The following GPRIN2 variants were observed in gnomAD, a reference collection of about 807,000 sequenced individuals.
GPRIN2 encodes G protein regulated inducer of neurite outgrowth 2.
Under a neutral mutation model 0.3 loss-of-function variants are expected in GPRIN2, and 1 was observed. That is an observed-to-expected ratio of 3.90 (90% CI 1.39 to 18.51). The LOEUF (loss-of-function observed/expected upper bound fraction) is 18.51. Among genes scored for constraint, GPRIN2 ranks in the 30% most tolerant of loss-of-function variants. The pLI, the probability that GPRIN2 is intolerant of heterozygous loss-of-function variation, is 0.11. For missense variants in GPRIN2, 880 were observed against 604.2 expected (o/e 1.46, Z -4.79); for synonymous variants, 361 against 258.6 (o/e 1.40, Z -3.80).
Position 46,548,879 on chromosome 10 carries a change from G to C in GPRIN2, c.*481C>G, listed in dbSNP as rs1842403100. ...TGAAGACAGGACAAGCACAGTATGT[G>C]GCACACAGGAGGCCTCTGATAACAT... On this transcript the variant is annotated 3_prime_UTR_variant, in exon 3 of 3. Transcript: ENST00000374314. Among the ~76,000 whole-genome samples, 10 of 152,308 alleles carry C rather than the reference G, an allele frequency of 6.6e-5. No homozygotes were observed.
rs1344459108 is a variant in GPRIN2 at position 46,546,074 on chromosome 10, T to C, written c.*3286A>G. 6.6e-6 allele frequency among the ~76,000 whole-genome samples: 1 copy of C among 152,306 alleles called. No individual in the cohort carries two copies. The highest frequency in any genetic ancestry group is 1.5e-5 in the Non-Finnish European group (1 of 68,056). On this transcript the variant is annotated 3_prime_UTR_variant, in exon 3 of 3. Transcript: ENST00000374314. ...TAAGGGGACAGAGACCCAATCCAGGTGACACAGGAGGTAAGATCACAGTGG... is the reference window on the plus strand; with the variant it reads ...TAAGGGGACAGAGACCCAATCCAGGCGACACAGGAGGTAAGATCACAGTGG...
rs1841873416 is a variant in GPRIN2, at chr10:46,543,004, A to T, written c.*6356T>A. ...TGGGGTGCCCTTCCAGCCCGACCAAAGTCCTTCCATTCACCCAGCAGGGCC... is the reference window on the plus strand; with the variant it reads ...TGGGGTGCCCTTCCAGCCCGACCAATGTCCTTCCATTCACCCAGCAGGGCC... On this transcript the variant is annotated 3_prime_UTR_variant, in exon 3 of 3. Transcript: ENST00000374314. Among the ~76,000 whole-genome samples, 1 of 152,308 alleles carries T rather than the reference A, an allele frequency of 6.6e-6. No individual in the cohort carries two copies. Among genetic ancestry groups the T allele is most frequent in the Non-Finnish European group, 1.5e-5 (1 of 68,058 alleles).
rs112633266 is a variant in GPRIN2 at position 46,548,277 on chromosome 10, C to T, written c.*1083G>A. Among the ~76,000 whole-genome samples the T allele has an allele frequency of 9.6e-3, 1,459 of 151,520 alleles. No individual in the cohort carries two copies. The highest frequency in any genetic ancestry group is 0.034 in the African/African-American group (1,371 of 40,764). On this transcript the variant is annotated 3_prime_UTR_variant, in exon 3 of 3. Transcript: ENST00000374314. The stretch of plus-strand genomic sequence containing the variant: ...GTTTCTGTCTCTCCAAGGCCCCTGG[C>T]CCCCACTGCCTAGCCTAGGTCAGGT...
In GPRIN2 at chr10:46,550,205, G is replaced by T; in HGVS notation, c.532C>A (p.Pro178Thr). The T allele has an allele frequency of 6.2e-7, 1 of 1,600,960 alleles. No homozygotes were observed. Among genetic ancestry groups the T allele is most frequent in the Non-Finnish European group, 8.5e-7 (1 of 1,173,302 alleles). The part of the protein sequence containing the change: ...APAGLERDLA[P>T]EDETSNSAWM... The stretch of plus-strand genomic sequence containing the variant: ...GCTGAGTTAGAAGTCTCATCCTCAG[G>T]AGCCAGGTCCCTTTCCAGGCCTGCA... Residue 178 changes from proline to threonine, a missense_variant, in exon 3 of 3, where the codon CCT becomes ACT. By Grantham distance (38) the Pro-to-Thr change is conservative. Coordinates refer to ENST00000374314, the MANE Select transcript of GPRIN2 (RefSeq NM_001385282.1).
intron 1 of GPRIN2, among the ~76,000 whole-genome samples, chr10:46,555,070 C>T (rs1354326979): frequency 6.6e-6 from 1 of 152,312 alleles, no homozygotes; most frequent in Admixed American, 6.5e-5. Context: ...TCTTAGTCTC[C>T]CGGCAGCTGG....
At chr10:46,553,623 C>T (rs1842851526) in intron 2 of GPRIN2, among the ~76,000 whole-genome samples, 1 of 152,308 alleles carries the variant, frequency 6.6e-6, no homozygotes, top group African/African-American at 2.4e-5. Flanking sequence ...TCCCACTGTG[C>T]CTGTCTCACC....
At chr10:46,551,705 G>A (rs1832167163) in intron 2 of GPRIN2, among the ~76,000 whole-genome samples, 3 of 152,418 alleles carry the variant, frequency 2.0e-5, no homozygotes, top group African/African-American at 4.8e-5. Flanking sequence ...CCGTACCATC[G>A]CTGTCACTTC....
chr10:46,557,014 C>CCCCCTCGCCCCAGTG (rs1843322274), upstream of GPRIN2, among the ~76,000 whole-genome samples: 2 of 150,078 alleles, frequency 1.3e-5, no homozygotes, highest in African/African-American at 2.4e-5. Flanking sequence ...CGTAGCCCCA[C>CCCCCTCGCCCCAGTG]CCCCTCGCTC....
In GPRIN2 at chr10:46,547,104, C is replaced by G. The variant is rs1238229275; in HGVS notation, c.*2256G>C. On this transcript the variant is annotated 3_prime_UTR_variant, in exon 3 of 3. Coordinates refer to ENST00000374314, the MANE Select transcript of GPRIN2 (RefSeq NM_001385282.1). ...GCCCTTTCTGCACCTGCTGAACATG[C>G]CATTCACCTTGACCCAGGTAGTGGC... Among the ~76,000 whole-genome samples the G allele has an allele frequency of 6.6e-6, 1 of 152,306 alleles. No individual in the cohort carries two copies. The highest frequency in any genetic ancestry group is 1.5e-5 in the Non-Finnish European group (1 of 68,056).
At position 46,547,604 on chromosome 10, in the gene GPRIN2, T is replaced by C. The variant is rs1842283942; in HGVS notation, c.*1756A>G. Reference sequence around the variant, plus strand: ...GCATCCTCAAGACCCTACTTAGCTATGGCCCTGTGTGAAAGGTCCCTCCCC... The same window carrying C: ...GCATCCTCAAGACCCTACTTAGCTACGGCCCTGTGTGAAAGGTCCCTCCCC... On this transcript the variant is annotated 3_prime_UTR_variant, in exon 3 of 3. Transcript: ENST00000374314. Among the ~76,000 whole-genome samples the C allele has an allele frequency of 2.0e-5, 3 of 152,310 alleles. No homozygotes were observed. Among genetic ancestry groups the C allele is most frequent in the Non-Finnish European group, 4.4e-5 (3 of 68,056 alleles).
In GPRIN2 at chr10:46,550,172, G is replaced by A; in HGVS notation, c.565C>T (p.Leu189=). ...GGCACTGACAACTGACTCGCCCCCA[G>A]CATCCAGGCTGAGTTAGAAGTCTCA... ...EDETSNSAWM[L]GASQLSVPPL... Residue 189 remains leucine (L), a synonymous_variant, in exon 3 of 3, where the codon CTG becomes TTG. Coordinates refer to ENST00000374314, the MANE Select transcript of GPRIN2 (RefSeq NM_001385282.1). 1 of 1,598,684 alleles carries A rather than the reference G, an allele frequency of 6.3e-7. No individual in the cohort carries two copies. Among genetic ancestry groups the A allele is most frequent in the Non-Finnish European group, 8.5e-7 (1 of 1,171,934 alleles).
chr10:46,550,293 G>C lies in GPRIN2; in HGVS notation c.444C>G (p.Ser148Arg), dbSNP rs1555019585. The change falls in exon 3 of 3, where the codon AGC becomes AGG. Residue 148 changes from serine to arginine, a missense_variant. Physicochemically the swap from Ser to Arg is moderately radical, Grantham distance 110 (BLOSUM62 -1). Coordinates refer to ENST00000374314, the MANE Select transcript of GPRIN2 (RefSeq NM_001385282.1). ...KASLSCSALG[S>R]SPVHRAQLQP... ...GCAGCTGAGCCCTGTGGACAGGGCT[G>C]CTGCCAAGGGCTGAGCAGCTGAGAC... 1 of 1,612,794 alleles carries C rather than the reference G, an allele frequency of 6.2e-7. No homozygotes were observed. The highest frequency in any genetic ancestry group is 8.5e-7 in the Non-Finnish European group (1 of 1,179,842).
chr10:46,554,121 A>T (rs1842908930), intron 2 of GPRIN2, among the ~76,000 whole-genome samples: 2 of 152,308 alleles, frequency 1.3e-5, no homozygotes, highest in African/African-American at 4.8e-5. Context: ...ACCAAATGTG[A>T]CAGCATGTGC....
rs1833075053 is a variant in GPRIN2, at chr10:46,542,180, C to G, written c.*7180G>C. Among the ~76,000 whole-genome samples the G allele has an allele frequency of 0.024, 3,608 of 150,082 alleles. No individual in the cohort carries two copies. Among genetic ancestry groups the G allele is most frequent in the African/African-American group, 0.085 (3,367 of 39,426 alleles). On this transcript the variant is annotated 3_prime_UTR_variant, in exon 3 of 3. Coordinates refer to ENST00000374314, the MANE Select transcript of GPRIN2 (RefSeq NM_001385282.1). ...GAAGGCCAGGCAGAAGGCTGCAGGGCAGGGGCCAGGTGGGCAGCAACAGGG... is the reference window on the plus strand; with the variant it reads ...GAAGGCCAGGCAGAAGGCTGCAGGGGAGGGGCCAGGTGGGCAGCAACAGGG...
In GPRIN2 at chr10:46,550,504, G is replaced by T; in HGVS notation, c.233C>A (p.Ser78Tyr). The change falls in exon 3 of 3, where the codon TCT (serine) becomes TAT (tyrosine). Residue 78 changes from serine to tyrosine, a missense_variant. Transcript: ENST00000374314. ...AGCACTGGGTCGCGCCTTGGGGCCA[G>T]AGGCCCGTGCTGGCTTCATGCTCTC... Reference protein sequence around the residue: ...PPESMKPARASGPKARPSAGG... With the variant: ...PPESMKPARAYGPKARPSAGG... The T allele has an allele frequency of 6.2e-7, 1 of 1,606,954 alleles. No individual in the cohort carries two copies. Among genetic ancestry groups the T allele is most frequent in the Non-Finnish European group, 8.5e-7 (1 of 1,175,990 alleles).
upstream of GPRIN2, among the ~76,000 whole-genome samples, chr10:46,557,360 G>GC (rs1843357687): frequency 6.6e-6 from 1 of 152,266 alleles, no homozygotes; most frequent in South Asian, 2.1e-4. Flanking sequence ...GCCCTCCATT[G>GC]CCCCTCAAGA....
rs2133138058 is a variant in GPRIN2 at position 46,542,335 on chromosome 10, T to G, written c.*7025A>C. ...GGCTGTGTCCCCACCCAAAATCTCA[T>G]CTTGAATTGTAATCCCTATAATCCC... On this transcript the variant is annotated 3_prime_UTR_variant, in exon 3 of 3. Coordinates refer to ENST00000374314, the MANE Select transcript of GPRIN2 (RefSeq NM_001385282.1). Among the ~76,000 whole-genome samples, 1 of 152,424 alleles carries G rather than the reference T, an allele frequency of 6.6e-6. No homozygotes were observed. Among genetic ancestry groups the G allele is most frequent in the African/African-American group, 2.4e-5 (1 of 41,610 alleles).
rs1210372662 is a variant in GPRIN2 at position 46,549,366 on chromosome 10, G to A, written c.1371C>T (p.Pro457=). ...PSCCGCSGAA[P]E is the part of the protein sequence containing the mutation. The stretch of plus-strand genomic sequence containing the variant: ...CTCCAAGGGCCACAGCTCCTCACTC[G>A]GGGGCCGCGCCGGAGCAGCCGCAGC... The change falls in exon 3 of 3, where the codon CCC becomes CCT. Residue 457 remains proline (P), a synonymous_variant. Coordinates refer to ENST00000374314, the MANE Select transcript of GPRIN2 (RefSeq NM_001385282.1). The A allele has an allele frequency of 8.8e-6, 13 of 1,474,584 alleles. No individual in the cohort carries two copies. Among genetic ancestry groups the A allele is most frequent in the Middle Eastern group, 2.1e-4 (1 of 4,804 alleles). 91.3% of individuals were successfully genotyped at this position (1,474,584 alleles called of 1,614,324 possible).
Position 46,546,636 on chromosome 10 carries a change from G to A in GPRIN2, c.*2724C>T, listed in dbSNP as rs1832891776. Among the ~76,000 whole-genome samples, 45 of 152,418 alleles carry A rather than the reference G, an allele frequency of 3.0e-4. No individual in the cohort carries two copies. Among genetic ancestry groups the A allele is most frequent in the African/African-American group, 1.1e-3 (45 of 41,602 alleles). On this transcript the variant is annotated 3_prime_UTR_variant, in exon 3 of 3. Transcript: ENST00000374314. Reference sequence around the variant, plus strand: ...GAGGAGATCTGTAAACTAAACCGCTGGCCATGCTCTGGGGCCCTAAACCAC... The same window carrying A: ...GAGGAGATCTGTAAACTAAACCGCTAGCCATGCTCTGGGGCCCTAAACCAC...
Sources: allele counts gnomAD v4.1 joint callset (sites outside exome capture counted in the v4.1 genomes callset), GRCh38; gene constraint gnomAD v4.1.1; transcripts MANE v1.5; gene names NCBI Gene and HGNC (gene_info 2026-07-23, HGNC 2026-07-21).